Variants in SLC12A7 observed in about 807,000 individuals in gnomAD.
SLC12A7 encodes K-Cl cotransporter 4.
Under a neutral mutation model 120.6 loss-of-function variants are expected in SLC12A7, and 100 were observed. The observed-to-expected ratio is 0.83, with a 90% CI of 0.71 to 0.98. SLC12A7 has a LOEUF of 0.98. Among genes scored for constraint, SLC12A7 ranks in the 50% least tolerant of loss-of-function variants. The pLI is 0.00. For missense variants in SLC12A7, 1,373 were observed against 1,548.1 expected (o/e 0.89, Z 1.90); for synonymous variants, 760 against 678.0 (o/e 1.12, Z -1.88).
At chr5:1,109,824 G>A (rs910339856) in intron 1 of SLC12A7, among the ~76,000 whole-genome samples, 5 of 152,256 alleles carry the variant, frequency 3.3e-5, no homozygotes, top group African/African-American at 9.6e-5. Context: ...CGCCAGCCCA[G>A]AAGCTCCAGT....
At chr5:1,150,374 C>T in the SLC12A7 span, among the ~76,000 whole-genome samples, 1 of 151,928 alleles carries the variant, frequency 6.6e-6, no homozygotes, top group East Asian at 1.9e-4. Context: ...AGGGCACAGG[C>T]CTCGACCAGA....
At chr5:1,058,197 T>A (rs1735827798) in intron 21 of SLC12A7, among the ~76,000 whole-genome samples, 1 of 152,238 alleles carries the variant, frequency 6.6e-6, no homozygotes. Context: ...GCGTCACTTC[T>A]GACAATCCGA....
chr5:1,104,506 C>T (rs571336936), intron 1 of SLC12A7, among the ~76,000 whole-genome samples: 1 of 152,192 alleles, frequency 6.6e-6, no homozygotes, highest in Non-Finnish European at 1.5e-5. Context: ...ATGCTGCGTG[C>T]GGCTATCCAT....
chr5:1,085,591 G>A (rs538412092), intron 6 of SLC12A7, 118 bp from the exon 7 acceptor site: 501 of 1,386,230 alleles, frequency 3.6e-4, no homozygotes, highest in East Asian at 2.0e-3. Context: ...CGGGGCCATC[G>A]GGACGCATCC....
Position 1,077,890 on chromosome 5 carries a change from C to T in SLC12A7, c.1572G>A (p.Thr524=), listed in dbSNP as rs545445568. ...TGGCCTGCAGTAGGCGCGGTGCCCC[C>T]GTGAGGCTCTGCAGGCCGGCACCGC... The part of the protein sequence containing the change: ...STCGAGLQSL[T]GAPRLLQAIA... Residue 524 remains threonine (T), a synonymous_variant, in exon 12 of 24, where the codon ACG becomes ACA. Coordinates refer to ENST00000264930, the MANE Select transcript of SLC12A7 (RefSeq NM_006598.3). 18 of 1,598,686 alleles carry T rather than the reference C, an allele frequency of 1.1e-5. No individual in the cohort carries two copies. The East Asian group carries it at 1.8e-4, about 16-fold the overall frequency.
chr5:1,096,631 C>G (rs960132481), intron 1 of SLC12A7, among the ~76,000 whole-genome samples: 2 of 143,990 alleles, frequency 1.4e-5, no homozygotes, highest in Non-Finnish European at 3.0e-5. Context: ...AGATGAAGGA[C>G]CAGGAGCCTG....
chr5:1,050,976 C>G lies in SLC12A7; in HGVS notation c.*1384G>C. 5.0e-6 allele frequency: 2 copies of G among 398,686 alleles called. No individual in the cohort carries two copies. Among genetic ancestry groups the G allele is most frequent in the Non-Finnish European group, 8.8e-6 (2 of 226,076 alleles). The allele number at this position is 398,686 out of a possible 1,614,324, so 24.7% of individuals were successfully genotyped here. ...CAGACGTAGCCCAAGGCCTGGCCAT[C>G]TGGGGCCTCTAGTATATAGAAGCAA... is the stretch of plus-strand genomic sequence containing the variant. On this transcript the variant is annotated 3_prime_UTR_variant, in exon 24 of 24. Coordinates refer to ENST00000264930, the MANE Select transcript of SLC12A7 (RefSeq NM_006598.3).
the SLC12A7 span, among the ~76,000 whole-genome samples, chr5:1,123,556 G>A: frequency 4.6e-5 from 7 of 152,232 alleles, no homozygotes; most frequent in East Asian, 1.9e-4. Context: ...TGGCCCCGCC[G>A]GCCCACTGAG....
At chr5:1,154,470 CAT>C in the SLC12A7 span, among the ~76,000 whole-genome samples, 1 of 151,942 alleles carries the variant, frequency 6.6e-6, no homozygotes, top group African/African-American at 2.4e-5. Context: ...CCTCATATGC[CAT>C]ACACACACAT....
chr5:1,139,665 C>T, the SLC12A7 span, among the ~76,000 whole-genome samples: 1 of 152,260 alleles, frequency 6.6e-6, no homozygotes, highest in African/African-American at 2.4e-5. Context: ...AGCCTGCCTT[C>T]CCCGAGTGCA....
the SLC12A7 span, among the ~76,000 whole-genome samples, chr5:1,122,979 T>C: frequency 6.6e-6 from 1 of 152,228 alleles, no homozygotes; most frequent in Non-Finnish European, 1.5e-5. Context: ...CCTGGCTGCC[T>C]GGGGGCGCGG....
At chr5:1,060,779 G>A (rs1736101075) in intron 20 of SLC12A7, among the ~76,000 whole-genome samples, 1 of 152,180 alleles carries the variant, frequency 6.6e-6, no homozygotes, top group African/African-American at 2.4e-5. Context: ...GCCCCATGGG[G>A]CTGCATGATC....
chr5:1,058,274 G>A (rs995460152), intron 21 of SLC12A7, among the ~76,000 whole-genome samples: 2 of 152,254 alleles, frequency 1.3e-5, no homozygotes, highest in Non-Finnish European at 2.9e-5. Context: ...CCCTCACCGC[G>A]AGATCGCACC....
intron 20 of SLC12A7, 77 bp from the exon 21 acceptor site, chr5:1,060,528 G>A (rs1736071874): frequency 8.7e-7 from 1 of 1,150,002 alleles, no homozygotes. Context: ...CCGGTACCCA[G>A]AGACCGAGCC....
intron 12 of SLC12A7, 76 bp downstream of exon 12, chr5:1,077,757 T>TCTCACA: frequency 7.0e-7 from 1 of 1,421,200 alleles, no homozygotes; most frequent in East Asian, 2.5e-5. Flanking sequence ...CACACGGCAC[T>TCTCACA]GTGAGGATCC....
At chr5:1,066,155 C>T (rs1737031567) in intron 17 of SLC12A7, among the ~76,000 whole-genome samples, 2 of 152,220 alleles carry the variant, frequency 1.3e-5, no homozygotes, top group Admixed American at 6.5e-5. Context: ...AGGGCCTGCC[C>T]TGCTGGGTCT....
At chr5:1,136,392 G>A in the SLC12A7 span, among the ~76,000 whole-genome samples, 12 of 139,464 alleles carry the variant, frequency 8.6e-5, no homozygotes, top group East Asian at 2.3e-4. Flanking sequence ...ACACACGTGT[G>A]CTCAGACACC....
chr5:1,061,926 C>T (rs1561036936), intron 20 of SLC12A7, among the ~76,000 whole-genome samples: 1 of 152,186 alleles, frequency 6.6e-6, no homozygotes, highest in Non-Finnish European at 1.5e-5. Context: ...GAGCGAGACT[C>T]TGTCTCAAAA....
At position 1,077,922 on chromosome 5, in the gene SLC12A7, A is replaced by C; in HGVS notation, c.1540T>G (p.Ser514Ala). Residue 514 changes from serine (S) to alanine (A), a missense_variant, in exon 12 of 24, where the codon TCC becomes GCC. Ser to Ala is a moderately conservative substitution (Grantham distance 99). Transcript: ENST00000264930. ...PWVIVIGSFFSTCGAGLQSLT... is the reference protein window; with the variant it reads ...PWVIVIGSFFATCGAGLQSLT... ...CTCTGCAGGCCGGCACCGCAGGTGG[A>C]GAAGAAGGAGCCGATGACGATGACC... 1 of 1,600,830 alleles carries C rather than the reference A, an allele frequency of 6.2e-7. No individual in the cohort carries two copies. The highest frequency in any genetic ancestry group is 8.5e-7 in the Non-Finnish European group (1 of 1,174,432).
Sources: gnomAD v4.1 joint callset for allele counts (sites outside exome capture counted in the v4.1 genomes callset) on GRCh38, gnomAD v4.1.1 for gene constraint, MANE v1.5 for transcripts, NCBI Gene and HGNC (gene_info 2026-07-23, HGNC 2026-07-21) for gene names.